The following LTBP1 variants were observed in gnomAD, a reference collection of about 807,000 sequenced individuals.
The protein encoded by LTBP1 is latent-transforming growth factor beta-binding protein 1.
Under a neutral mutation model 207.6 loss-of-function variants are expected in LTBP1, and 129 were observed. The ratio of observed to expected loss-of-function variants is 0.62; its 90% CI spans 0.54 to 0.72. The LOEUF is 0.72. Ranked by LOEUF, LTBP1 falls within the 30% of genes least tolerant of loss-of-function variation. LTBP1 has a pLI of 0.00. For synonymous variants in LTBP1, 963 were observed against 833.7 expected, an observed-to-expected ratio of 1.16 and a Z score of -2.67; for missense variants, 2,281 against 2,217.2, an observed-to-expected ratio of 1.03 and a Z score of -0.58.
chr2:33,255,685 A>C (rs545039138), intron 11 of LTBP1, among the ~76,000 whole-genome samples: 4 of 152,294 alleles, frequency 2.6e-5, no homozygotes, highest in Admixed American at 2.6e-4. Context: ...TGTTTTTCCT[A>C]GTTAAACATA....
intron 3 of LTBP1, among the ~76,000 whole-genome samples, chr2:33,101,474 C>A (rs1037853863): frequency 3.3e-5 from 5 of 152,130 alleles, no homozygotes; most frequent in African/African-American, 1.2e-4. Context: ...TCATCCTTAT[C>A]GTTTCTGCAT....
At chr2:33,257,641 A>G (rs2092901236) in intron 12 of LTBP1, 130 bp downstream of exon 12, 1 of 720,436 alleles carries the variant, frequency 1.4e-6, no homozygotes, top group Non-Finnish European at 2.3e-6. Flanking sequence ...GTGGAGAATT[A>G]TTTGATTGGG....
rs71407500 is a variant in LTBP1, at chr2:33,103,586, C to CGTGTGTGTGTGTGT, written c.864-6968_864-6955dup. On this transcript the variant is annotated intron_variant, in intron 3 of 33. Transcript: ENST00000404816. ...GACCATAAATCCTTGTCTCCGTTTA[C>CGTGTGTGTGTGTGT]GTGTGTGTGTGTGTGTGTGTGTGTG... Among the ~76,000 whole-genome samples the CGTGTGTGTGTGTGT allele has an allele frequency of 4.2e-4, 50 of 118,222 alleles. 2 individuals are homozygous for CGTGTGTGTGTGTGT. The highest frequency in any genetic ancestry group is 5.1e-4 in the African/African-American group (17 of 33,460). 77.6% of individuals were successfully genotyped at this position (118,222 alleles called of 152,430 possible). A position where few individuals can be genotyped will look rare whatever the true frequency, so the allele number is the denominator to read the frequency against.
intron 31 of LTBP1, among the ~76,000 whole-genome samples, chr2:33,375,348 G>C (rs17585007): frequency 0.033 from 5,082 of 152,240 alleles, 111 homozygotes; most frequent in Non-Finnish European, 0.052. Flanking sequence ...TCTTTGAAAG[G>C]GGCCAAGAAT....
chr2:33,215,835 C>T (rs2090652636), intron 7 of LTBP1, among the ~76,000 whole-genome samples: 1 of 151,792 alleles, frequency 6.6e-6, no homozygotes, highest in Admixed American at 6.6e-5. Context: ...CCTGCCTCAG[C>T]CTCCTGAGTA....
chr2:33,021,781 G>A (rs1266042911), intron 3 of LTBP1, among the ~76,000 whole-genome samples: 1 of 152,070 alleles, frequency 6.6e-6, no homozygotes, highest in African/African-American at 2.4e-5. Flanking sequence ...TTCTATTTAT[G>A]GGAACAAGGT....
intron 9 of LTBP1, among the ~76,000 whole-genome samples, chr2:33,240,482 A>G (rs2092272505): frequency 6.6e-6 from 1 of 152,162 alleles, no homozygotes; most frequent in Admixed American, 6.5e-5. Context: ...GCTTGTGACT[A>G]CCTGTCTAGG....
chr2:33,252,180 C>T (rs896270273), intron 10 of LTBP1, among the ~76,000 whole-genome samples: 1 of 152,168 alleles, frequency 6.6e-6, no homozygotes, highest in African/African-American at 2.4e-5. Flanking sequence ...TAGGGTGAGA[C>T]CTGATGGGCC....
At chr2:32,957,840 T>G (rs1678337219) in intron 2 of LTBP1, among the ~76,000 whole-genome samples, 1 of 152,164 alleles carries the variant, frequency 6.6e-6, no homozygotes, top group African/African-American at 2.4e-5. Context: ...CTGATGTGTG[T>G]CTGTTAATTT....
chr2:33,398,143 C>T (rs1006586626), intron 33 of LTBP1, among the ~76,000 whole-genome samples: 1 of 152,144 alleles, frequency 6.6e-6, no homozygotes, highest in African/African-American at 2.4e-5. Context: ...ACAAAATGCT[C>T]ATGTTTTGCT....
At chr2:33,337,771 T>C (rs991264093) in intron 24 of LTBP1, among the ~76,000 whole-genome samples, 3 of 152,254 alleles carry the variant, frequency 2.0e-5, no homozygotes, top group Non-Finnish European at 4.4e-5. Flanking sequence ...TGAAAACATA[T>C]GATATTTGGA....
intron 9 of LTBP1, among the ~76,000 whole-genome samples, chr2:33,239,862 C>T (rs1288572864): frequency 1.3e-5 from 2 of 151,698 alleles, no homozygotes; most frequent in African/African-American, 4.8e-5. Context: ...TGAGATTGTG[C>T]CGCTGTACTC....
In LTBP1 at chr2:33,364,374, G is replaced by A. The variant is rs780112226; in HGVS notation, c.4540+18G>A. The A allele has an allele frequency of 1.9e-6, 3 of 1,601,012 alleles. No individual in the cohort carries two copies. The highest frequency in any genetic ancestry group is 2.6e-6 in the Non-Finnish European group (3 of 1,175,856). On this transcript the variant is annotated intron_variant, in intron 30 of 33. Transcript: ENST00000404816. ...GTCAAACGGTATGTTTCCAGGAGAT[G>A]CAAACCTGTGTCCAAATAACTATCA...
At chr2:33,011,593 A>T (rs1406022044) in intron 2 of LTBP1, among the ~76,000 whole-genome samples, 1 of 152,104 alleles carries the variant, frequency 6.6e-6, no homozygotes, top group Non-Finnish European at 1.5e-5. Context: ...CTGCTGATGC[A>T]TTGACCTTGG....
chr2:32,959,621 A>ATTTTTTTTTTTTTTTTTTTT (rs397972038), intron 2 of LTBP1, among the ~76,000 whole-genome samples: 12 of 36,672 alleles, frequency 3.3e-4, no homozygotes, highest in Non-Finnish European at 4.5e-4. Flanking sequence ...ATATATATAT[A>ATTTTTTTTTTTTTTTTTTTT]TTTTTTTTTT....
rs201721541 is a variant in LTBP1 at position 33,151,820 on chromosome 2, ATT to A, written c.1201+16863_1201+16864del. Among the ~76,000 whole-genome samples the A allele has an allele frequency of 7.6e-5, 9 of 118,958 alleles. No individual in the cohort carries two copies. In the East Asian group the frequency reaches 9.4e-4, roughly 12 times the overall value. 78.0% of individuals were successfully genotyped at this position (118,958 alleles called of 152,430 possible). A position where few individuals can be genotyped will look rare whatever the true frequency, so the allele number is the denominator to read the frequency against. On this transcript the variant is annotated intron_variant, in intron 5 of 33. Coordinates refer to ENST00000404816, the MANE Select transcript of LTBP1 (RefSeq NM_206943.4). ...CCTTTTTATGGCTGAGTAGTATTCC[ATT>A]TTGTGTGTGTGTGTGTGTGTGTGTG...
intron 2 of LTBP1, among the ~76,000 whole-genome samples, chr2:32,956,430 T>G (rs1678083180): frequency 6.6e-6 from 1 of 152,250 alleles, no homozygotes; most frequent in Admixed American, 6.5e-5. Flanking sequence ...AGGAGTAGAT[T>G]CCATCTCAAG....
intron 20 of LTBP1, among the ~76,000 whole-genome samples, chr2:33,297,873 C>A (rs1420051868): frequency 1.3e-5 from 2 of 152,170 alleles, no homozygotes; most frequent in African/African-American, 4.8e-5. Flanking sequence ...TCTAGTCTCC[C>A]CAATGAATCT....
At chr2:33,225,174 G>A (rs1236715060) in intron 9 of LTBP1, among the ~76,000 whole-genome samples, 1 of 152,076 alleles carries the variant, frequency 6.6e-6, no homozygotes, top group Non-Finnish European at 1.5e-5. Context: ...GGGGTATGTA[G>A]TGATGTTTTG....
Sources: gnomAD v4.1 joint callset for allele counts (sites outside exome capture counted in the v4.1 genomes callset) on GRCh38, gnomAD v4.1.1 for gene constraint, MANE v1.5 for transcripts, NCBI Gene and HGNC (gene_info 2026-07-23, HGNC 2026-07-21) for gene names.